Variants in LCLAT1 observed in about 807,000 individuals in gnomAD.
LCLAT1 encodes lysocardiolipin acyltransferase 1.
In LCLAT1, 11 loss-of-function variants were observed where a neutral mutation model predicts 30.7. The ratio of observed to expected loss-of-function variants is 0.36; its 90% CI spans 0.23 to 0.59. LCLAT1 has a LOEUF of 0.59. Ranked by LOEUF, LCLAT1 falls within the 20% of genes least tolerant of loss-of-function variation. The pLI is 0.77. For synonymous variants in LCLAT1, 155 were observed against 151.3 expected, an observed-to-expected ratio of 1.02 and a Z score of -0.18; for missense variants, 402 against 458.6, an observed-to-expected ratio of 0.88 and a Z score of 1.13.
At chr2:30,499,589 C>T (rs771264597) in intron 1 of LCLAT1, among the ~76,000 whole-genome samples, 2 of 152,126 alleles carry the variant, frequency 1.3e-5, no homozygotes, top group Non-Finnish European at 2.9e-5. Flanking sequence ...TCTCTAAAGC[C>T]TATTTGAACT....
intron 5 of LCLAT1, among the ~76,000 whole-genome samples, chr2:30,621,618 G>A (rs2084301): frequency 0.13 from 19,586 of 152,066 alleles, 1,379 homozygotes; most frequent in South Asian, 0.23. Flanking sequence ...AACTGTGAGC[G>A]ACCAAAGTGT....
intron 1 of LCLAT1, among the ~76,000 whole-genome samples, chr2:30,482,963 G>T (rs1039889819): frequency 4.6e-5 from 7 of 152,108 alleles, no homozygotes; most frequent in Admixed American, 3.9e-4. Flanking sequence ...ATGGCCAAGA[G>T]GAGCCAAGGG....
chr2:30,514,670 G>A (rs1390746195), intron 1 of LCLAT1, among the ~76,000 whole-genome samples: 1 of 152,160 alleles, frequency 6.6e-6, no homozygotes, highest in African/African-American at 2.4e-5. Flanking sequence ...TAAGTGAGGT[G>A]TCCAGGTTAA....
At chr2:30,622,994 C>G (rs1668337016) in intron 5 of LCLAT1, among the ~76,000 whole-genome samples, 1 of 151,270 alleles carries the variant, frequency 6.6e-6, no homozygotes, top group African/African-American at 2.4e-5. Flanking sequence ...AGAAGTTCGA[C>G]TATTAAGCTA....
At chr2:30,591,124 C>G (rs1666676287) in intron 5 of LCLAT1, among the ~76,000 whole-genome samples, 1 of 151,450 alleles carries the variant, frequency 6.6e-6, no homozygotes, top group Admixed American at 6.6e-5. Context: ...GTGATTGTGA[C>G]TTTTGCAGTT....
At chr2:30,488,572 G>T (rs1234612190) in intron 1 of LCLAT1, among the ~76,000 whole-genome samples, 1 of 152,164 alleles carries the variant, frequency 6.6e-6, no homozygotes, top group African/African-American at 2.4e-5. Flanking sequence ...TGCTTTTTCA[G>T]ATTAGATATT....
chr2:30,504,662 C>G (rs1051420084), intron 1 of LCLAT1, among the ~76,000 whole-genome samples: 22 of 152,180 alleles, frequency 1.4e-4, no homozygotes, highest in Admixed American at 7.2e-4. Flanking sequence ...AGGCAACTTA[C>G]TTTGGCTACA....
chr2:30,478,740 T>G (rs1283029288), intron 1 of LCLAT1, among the ~76,000 whole-genome samples: 1 of 152,104 alleles, frequency 6.6e-6, no homozygotes, highest in Non-Finnish European at 1.5e-5. Context: ...AAACCAAACA[T>G]AGACACACAT....
intron 3 of LCLAT1, among the ~76,000 whole-genome samples, chr2:30,551,717 A>G (rs113112673): frequency 3.3e-5 from 5 of 152,316 alleles, no homozygotes; most frequent in Non-Finnish European, 5.9e-5. Flanking sequence ...ATGGATGCCT[A>G]CATTCCTTGG....
At chr2:30,559,935 T>C (rs995736357) in intron 3 of LCLAT1, among the ~76,000 whole-genome samples, 13 of 152,246 alleles carry the variant, frequency 8.5e-5, no homozygotes, top group Non-Finnish European at 1.6e-4. Flanking sequence ...AATAATCTTA[T>C]TTGTTTCTCT....
At chr2:30,564,588 G>GA (rs1665390010) in intron 4 of LCLAT1, among the ~76,000 whole-genome samples, 1 of 151,668 alleles carries the variant, frequency 6.6e-6, no homozygotes, top group African/African-American at 2.4e-5. Context: ...TTGCCAAGGA[G>GA]AAAAAACAGA....
intron 3 of LCLAT1, among the ~76,000 whole-genome samples, chr2:30,539,248 CTTTTT>C (rs72012748): frequency 4.4e-5 from 4 of 90,864 alleles, no homozygotes; most frequent in Non-Finnish European, 7.8e-5. Flanking sequence ...CGCGCCAGGC[CTTTTT>C]TTTTTTTTTT....
intron 5 of LCLAT1, among the ~76,000 whole-genome samples, chr2:30,639,692 G>A (rs868117419): frequency 6.6e-6 from 1 of 152,144 alleles, no homozygotes; most frequent in South Asian, 2.1e-4. Flanking sequence ...AGTAGCTATC[G>A]TGGTAACATT....
At chr2:30,602,264 A>AT (rs1304998251) in intron 5 of LCLAT1, among the ~76,000 whole-genome samples, 1 of 151,986 alleles carries the variant, frequency 6.6e-6, no homozygotes, top group East Asian at 1.9e-4. Context: ...AAAACCAGAC[A>AT]TTTTCTGCAC....
At chr2:30,544,590 C>T (rs1485549761) in intron 3 of LCLAT1, among the ~76,000 whole-genome samples, 3 of 152,182 alleles carry the variant, frequency 2.0e-5, no homozygotes, top group Non-Finnish European at 2.9e-5. Context: ...TCCTTTCCTT[C>T]CTTCAGTCCC....
intron 1 of LCLAT1, among the ~76,000 whole-genome samples, chr2:30,472,335 G>C (rs1383310593): frequency 6.6e-6 from 1 of 152,090 alleles, no homozygotes. Flanking sequence ...CCCTTCTAAG[G>C]CTTTACTTTT....
In LCLAT1 at chr2:30,562,279, G is replaced by T; in HGVS notation, c.498G>T (p.Gly166=). The change falls in exon 4 of 6, where the codon GGG becomes GGT. Residue 166 remains glycine, a synonymous_variant. Coordinates refer to ENST00000379509, the MANE Select transcript of LCLAT1 (RefSeq NM_001002257.3). ...EPLQLLIFPE[G]TDLTENSKSR... ...TTCAACTCCTCATATTCCCAGAAGGGACTGATCTCACAGGTAATGTAGCCT... is the reference window on the plus strand; with the variant it reads ...TTCAACTCCTCATATTCCCAGAAGGTACTGATCTCACAGGTAATGTAGCCT... The T allele has an allele frequency of 6.2e-7, 1 of 1,608,804 alleles. No individual in the cohort carries two copies. Among genetic ancestry groups the T allele is most frequent in the Non-Finnish European group, 8.5e-7 (1 of 1,176,464 alleles).
chr2:30,503,285 G>GCCAGTAGGGTTGTGA (rs1335545561), intron 1 of LCLAT1, among the ~76,000 whole-genome samples: 5 of 152,122 alleles, frequency 3.3e-5, no homozygotes, highest in African/African-American at 1.2e-4. Context: ...TCCTGTTTTG[G>GCCAGTAGGGTTGTGA]CCAGTAGGGT....
chr2:30,462,147 T>C (rs1178111631), intron 1 of LCLAT1, among the ~76,000 whole-genome samples: 1 of 152,182 alleles, frequency 6.6e-6, no homozygotes, highest in East Asian at 1.9e-4. Context: ...ATAAAACCCA[T>C]TATTTGCAGG....
Sources: gnomAD v4.1 joint callset for allele counts (sites outside exome capture counted in the v4.1 genomes callset) on GRCh38, gnomAD v4.1.1 for gene constraint, MANE v1.5 for transcripts, NCBI Gene and HGNC (gene_info 2026-07-23, HGNC 2026-07-21) for gene names.